OPCML: variants seen among roughly 807,000 people sequenced by gnomAD.
OPCML encodes opioid-binding protein/cell adhesion molecule.
In OPCML, 13 loss-of-function variants were observed where a neutral mutation model predicts 37.8. The observed-to-expected ratio is 0.34, with a 90% CI of 0.22 to 0.55. OPCML has a LOEUF of 0.55. Among genes scored for constraint, OPCML ranks in the 20% least tolerant of loss-of-function variants. OPCML has a pLI of 0.91. For missense variants in OPCML, 341 were observed against 435.6 expected, an observed-to-expected ratio of 0.78 and a Z score of 1.93; for synonymous variants, 176 against 168.8, an observed-to-expected ratio of 1.04 and a Z score of -0.33.
chr11:133,524,297 T>C (rs1948448162), intron 1 of OPCML, among the ~76,000 whole-genome samples: 1 of 152,194 alleles, frequency 6.6e-6, no homozygotes, highest in Non-Finnish European at 1.5e-5. Context: ...AGCACCCTTT[T>C]TTATATCCTG....
intron 1 of OPCML, among the ~76,000 whole-genome samples, chr11:133,378,310 A>AAGC (rs1240888346): frequency 6.6e-6 from 1 of 152,190 alleles, no homozygotes; most frequent in African/African-American, 2.4e-5. Context: ...GCCTTTGAGG[A>AAGC]AGCAGTGAAA....
chr11:133,500,721 A>T (rs560355310), intron 1 of OPCML, among the ~76,000 whole-genome samples: 1 of 152,284 alleles, frequency 6.6e-6, no homozygotes, highest in African/African-American at 2.4e-5. Context: ...AATTCAAGTC[A>T]GTTCTTCCTG....
chr11:132,746,887 G>C (rs774840037), intron 2 of OPCML, among the ~76,000 whole-genome samples: 8 of 152,100 alleles, frequency 5.3e-5, no homozygotes, highest in Non-Finnish European at 1.0e-4. Context: ...GGCTTGCGAG[G>C]CTTCCCAGAG....
At chr11:132,456,219 G>T (rs1327067580) in intron 4 of OPCML, among the ~76,000 whole-genome samples, 3 of 152,122 alleles carry the variant, frequency 2.0e-5, no homozygotes, top group Non-Finnish European at 4.4e-5. Context: ...CATTGTTCAG[G>T]AGAGCACAGT....
At chr11:132,579,264 G>T (rs1189094513) in intron 3 of OPCML, among the ~76,000 whole-genome samples, 3 of 152,082 alleles carry the variant, frequency 2.0e-5, no homozygotes, top group African/African-American at 7.2e-5. Context: ...CTAGAAGTTT[G>T]TTTCTCTTGG....
At chr11:133,112,865 C>T (rs1592012943) in intron 1 of OPCML, among the ~76,000 whole-genome samples, 1 of 152,150 alleles carries the variant, frequency 6.6e-6, no homozygotes, top group East Asian at 1.9e-4. Context: ...GACTGTCATG[C>T]CCCCTACCCT....
At chr11:132,813,691 G>A (rs57992493) in intron 2 of OPCML, among the ~76,000 whole-genome samples, 1,556 of 152,110 alleles carry the variant, frequency 0.01, 33 homozygotes, top group African/African-American at 0.035. Context: ...ACTGTTTTTT[G>A]TCCAGCTTTA....
chr11:132,728,672 T>A (rs868320509), intron 2 of OPCML, among the ~76,000 whole-genome samples: 10 of 152,170 alleles, frequency 6.6e-5, no homozygotes, highest in Middle Eastern at 3.4e-3. Context: ...AGGCATAGAG[T>A]AGCTGCTACT....
At chr11:132,453,740 C>T (rs965448458) in intron 4 of OPCML, among the ~76,000 whole-genome samples, 4 of 152,312 alleles carry the variant, frequency 2.6e-5, no homozygotes, top group Admixed American at 2.6e-4. Flanking sequence ...GCTCTGGCTA[C>T]AGGCAGTGCT....
intron 2 of OPCML, among the ~76,000 whole-genome samples, chr11:132,941,689 A>G (rs1481917704): frequency 1.3e-5 from 2 of 151,892 alleles, no homozygotes; most frequent in Admixed American, 6.6e-5. Context: ...TTTTTTCTCC[A>G]TTTGCTTTGG....
chr11:132,863,932 TTTTA>T (rs1197680509), intron 2 of OPCML, among the ~76,000 whole-genome samples: 12 of 142,186 alleles, frequency 8.4e-5, no homozygotes, highest in Non-Finnish European at 1.6e-4. Flanking sequence ...ATTCTATTTA[TTTTA>T]TTTATTTGTT....
At chr11:133,253,626 A>G (rs1427602042) in intron 1 of OPCML, among the ~76,000 whole-genome samples, 1 of 152,156 alleles carries the variant, frequency 6.6e-6, no homozygotes, top group Non-Finnish European at 1.5e-5. Flanking sequence ...CACATTTTAA[A>G]TCTTCATAAC....
chr11:133,179,572 C>G (rs1440895331), intron 1 of OPCML, among the ~76,000 whole-genome samples: 3 of 152,120 alleles, frequency 2.0e-5, no homozygotes, highest in African/African-American at 7.2e-5. Flanking sequence ...CATTAGGTGG[C>G]TGCTAAATAC....
chr11:132,491,924 A>ATTTTTT (rs780995319), intron 4 of OPCML, among the ~76,000 whole-genome samples: 13 of 133,226 alleles, frequency 9.8e-5, no homozygotes, highest in African/African-American at 3.4e-4. Context: ...GACATACCTA[A>ATTTTTT]TTTTTTTTTT....
chr11:133,195,822 A>C (rs1176000332), intron 1 of OPCML, among the ~76,000 whole-genome samples: 2 of 152,212 alleles, frequency 1.3e-5, no homozygotes, highest in East Asian at 3.8e-4. Context: ...GAGTCTTAAC[A>C]CATAGTATAT....
rs76244876 is a variant in OPCML, at chr11:133,088,293, C to T, written c.62-145283G>A. 6.0e-3 allele frequency among the ~76,000 whole-genome samples: 912 copies of T among 152,292 alleles called. 6 individuals carry two copies. The highest frequency in any genetic ancestry group is 9.3e-3 in the Non-Finnish European group (636 of 68,026). Reference sequence around the variant, plus strand: ...CTTAAAAGCACGGATTGCGAAGTCACGTAGTTTCACCTTTGCCTCTAACTT... The same window carrying T: ...CTTAAAAGCACGGATTGCGAAGTCATGTAGTTTCACCTTTGCCTCTAACTT... On this transcript the variant is annotated intron_variant, in intron 1 of 7. Transcript: ENST00000524381.
intron 1 of OPCML, among the ~76,000 whole-genome samples, chr11:133,087,584 TCA>T (rs2137045888): frequency 6.6e-6 from 1 of 152,382 alleles, no homozygotes; most frequent in South Asian, 2.1e-4. Flanking sequence ...CTGCTCTGCT[TCA>T]CAGAGTTTAA....
At chr11:133,296,943 T>C (rs1436163621) in intron 1 of OPCML, among the ~76,000 whole-genome samples, 1 of 152,194 alleles carries the variant, frequency 6.6e-6, no homozygotes, top group Admixed American at 6.5e-5. Context: ...TTGCTCATAA[T>C]TGTATCATTG....
chr11:133,338,554 T>C (rs1418375260), intron 1 of OPCML, among the ~76,000 whole-genome samples: 1 of 152,160 alleles, frequency 6.6e-6, no homozygotes, highest in East Asian at 1.9e-4. Flanking sequence ...GGCCAGCCAA[T>C]GTGCTGCAGA....
Sources: allele counts gnomAD v4.1 joint callset (sites outside exome capture counted in the v4.1 genomes callset), GRCh38; gene constraint gnomAD v4.1.1; transcripts MANE v1.5; gene names NCBI Gene and HGNC (gene_info 2026-07-23, HGNC 2026-07-21).